Variants in ASIC2 observed in about 807,000 individuals in gnomAD.
ASIC2 encodes acid sensing ion channel subunit 2.
Under a neutral mutation model 57.3 loss-of-function variants are expected in ASIC2, and 25 were observed. That is an observed-to-expected ratio of 0.44 (90% CI 0.32 to 0.61). The LOEUF (loss-of-function observed/expected upper bound fraction) is 0.61. Among genes scored for constraint, ASIC2 ranks in the 20% least tolerant of loss-of-function variants. ASIC2 has a pLI of 0.06. For synonymous variants in ASIC2, 319 were observed against 307.5 expected, an observed-to-expected ratio of 1.04 and a Z score of -0.39; for missense variants, 641 against 738.1, an observed-to-expected ratio of 0.87 and a Z score of 1.52.
At chr17:33,910,079 T>C (rs547793948) in intron 1 of ASIC2, among the ~76,000 whole-genome samples, 11 of 152,222 alleles carry the variant, frequency 7.2e-5, no homozygotes, top group Admixed American at 2.0e-4. Context: ...GTGCTAAGAG[T>C]GGTGCTTGGC....
chr17:33,531,710 C>T (rs539781867), intron 1 of ASIC2, among the ~76,000 whole-genome samples: 1 of 152,184 alleles, frequency 6.6e-6, no homozygotes, highest in East Asian at 1.9e-4. Flanking sequence ...AGGAGAGAGG[C>T]CCTTCTTTCC....
rs528713299 is a variant in ASIC2 at position 33,939,636 on chromosome 17, A to G, written c.555+216342T>C. ...GTACTGGATTTCTACAGTGGAGTCA[A>G]TTCCACAGAGCTGGTGTGACCCACT... On this transcript the variant is annotated intron_variant, in intron 1 of 9. Coordinates refer to the ASIC2 transcript ENST00000359872. 2.0e-5 allele frequency among the ~76,000 whole-genome samples: 3 copies of G among 152,320 alleles called. No homozygotes were observed. The South Asian group carries it at 6.2e-4, about 32-fold the overall frequency.
intron 1 of ASIC2, among the ~76,000 whole-genome samples, chr17:33,670,530 G>T (rs1411491343): frequency 6.6e-6 from 1 of 152,222 alleles, no homozygotes; most frequent in East Asian, 1.9e-4. Flanking sequence ...TCCTGGAACA[G>T]GGGAACTAGC....
At chr17:33,875,050 C>T (rs1201625648) in intron 1 of ASIC2, among the ~76,000 whole-genome samples, 1 of 152,138 alleles carries the variant, frequency 6.6e-6, no homozygotes, top group Non-Finnish European at 1.5e-5. Context: ...GAGCCAATAT[C>T]TACTGGAGCT....
intron 1 of ASIC2, among the ~76,000 whole-genome samples, chr17:33,495,409 A>G (rs962363654): frequency 1.3e-5 from 2 of 152,168 alleles, no homozygotes; most frequent in African/African-American, 2.4e-5. Context: ...TCCCATCGTT[A>G]TTCTCATCTT....
chr17:34,037,599 G>C, intron 1 of ASIC2: 2 of 1,557,800 alleles, frequency 1.3e-6, no homozygotes, highest in Non-Finnish European at 1.7e-6. Context: ...GTGTTGAACA[G>C]TTTGTGGCCT....
intron 1 of ASIC2, among the ~76,000 whole-genome samples, chr17:33,605,272 C>A (rs1164092722): frequency 2.0e-5 from 3 of 152,176 alleles, no homozygotes; most frequent in Admixed American, 2.0e-4. Context: ...AGCGGGGAGC[C>A]CAGGAAGGAA....
At chr17:33,887,303 G>C (rs1042662134) in intron 1 of ASIC2, among the ~76,000 whole-genome samples, 1 of 152,168 alleles carries the variant, frequency 6.6e-6, no homozygotes, top group Non-Finnish European at 1.5e-5. Flanking sequence ...TCCTAGAGTG[G>C]CTTACTGTCT....
At chr17:33,387,327 A>T (rs2141950366) in intron 1 of ASIC2, among the ~76,000 whole-genome samples, 1 of 152,368 alleles carries the variant, frequency 6.6e-6, no homozygotes, top group Middle Eastern at 3.4e-3. Flanking sequence ...GCTGTGACCC[A>T]GTCCTTGCGG....
chr17:33,254,229 G>T (rs1908979756), intron 1 of ASIC2, among the ~76,000 whole-genome samples: 1 of 152,130 alleles, frequency 6.6e-6, no homozygotes. Context: ...AACTCAAAAG[G>T]TCAGGGAACA....
intron 1 of ASIC2, among the ~76,000 whole-genome samples, chr17:33,388,826 G>C (rs1240821352): frequency 6.6e-6 from 1 of 152,170 alleles, no homozygotes; most frequent in Non-Finnish European, 1.5e-5. Flanking sequence ...AAGGCAGTGT[G>C]GCTGCACTCC....
chr17:33,523,323 C>A (rs185163654), intron 1 of ASIC2, among the ~76,000 whole-genome samples: 1 of 152,166 alleles, frequency 6.6e-6, no homozygotes, highest in Admixed American at 6.5e-5. Flanking sequence ...GTGACACCAT[C>A]TGGGCTCACT....
chr17:33,998,015 G>A (rs1044797560), intron 1 of ASIC2, among the ~76,000 whole-genome samples: 1 of 152,098 alleles, frequency 6.6e-6, no homozygotes, highest in Admixed American at 6.5e-5. Flanking sequence ...AAGCCATCAG[G>A]TCCCAGGCTC....
At chr17:33,916,257 G>A (rs550595332) in intron 1 of ASIC2, among the ~76,000 whole-genome samples, 2 of 152,174 alleles carry the variant, frequency 1.3e-5, no homozygotes, top group Non-Finnish European at 2.9e-5. Flanking sequence ...GACTTTTTCT[G>A]AGGCTGCTGA....
chr17:33,202,017 C>CAAAAAAAAAAAAAAAAAAGAAAAAAAAA (rs1906885263), intron 1 of ASIC2, among the ~76,000 whole-genome samples: 1 of 92,292 alleles, frequency 1.1e-5, no homozygotes, highest in Non-Finnish European at 2.2e-5. Context: ...GAGACTGTCT[C>CAAAAAAAAAAAAAAAAAAGAAAAAAAAA]AAAAAAAAAA....
intron 1 of ASIC2, among the ~76,000 whole-genome samples, chr17:34,153,611 T>C (rs570463187): frequency 1.3e-5 from 2 of 152,330 alleles, no homozygotes; most frequent in South Asian, 4.1e-4. Flanking sequence ...TGTGCCCAGC[T>C]GGGGCCAGAG....
chr17:33,450,639 T>C (rs951949536), intron 1 of ASIC2, among the ~76,000 whole-genome samples: 1 of 152,208 alleles, frequency 6.6e-6, no homozygotes, highest in African/African-American at 2.4e-5. Context: ...GTTAAATTAG[T>C]TGAGATAGTA....
chr17:33,833,739 C>T (rs975148233), intron 1 of ASIC2, among the ~76,000 whole-genome samples: 1 of 152,186 alleles, frequency 6.6e-6, no homozygotes, highest in African/African-American at 2.4e-5. Context: ...AGTACTGCAT[C>T]ACAGACTTAT....
chr17:33,476,106 C>T (rs978177148), intron 1 of ASIC2, among the ~76,000 whole-genome samples: 50 of 152,304 alleles, frequency 3.3e-4, no homozygotes, highest in African/African-American at 1.0e-3. Context: ...ATAGTCCACA[C>T]GCTTAAGTAT....
Sources: allele counts gnomAD v4.1 joint callset (sites outside exome capture counted in the v4.1 genomes callset), GRCh38; gene constraint gnomAD v4.1.1; transcripts MANE v1.5; gene names NCBI Gene and HGNC (gene_info 2026-07-23, HGNC 2026-07-21).